The following KCTD18 variants were observed in gnomAD, a reference collection of about 807,000 sequenced individuals.
The protein encoded by KCTD18 is BTB/POZ domain-containing protein KCTD18.
A neutral mutation model predicts 30.4 loss-of-function variants in KCTD18; 22 were observed. That is an observed-to-expected ratio of 0.72 (90% CI 0.52 to 1.03). The LOEUF is 1.03. Among genes scored for constraint, KCTD18 ranks in the 50% least tolerant of loss-of-function variants. The pLI, the probability that KCTD18 is intolerant of heterozygous loss-of-function variation, is 0.00. For synonymous variants in KCTD18, 186 were observed against 209.0 expected, an observed-to-expected ratio of 0.89 and a Z score of 0.95; for missense variants, 529 against 547.6, an observed-to-expected ratio of 0.97 and a Z score of 0.34.
chr2:200,506,454 C>T (rs1201966051), intron 2 of KCTD18, among the ~76,000 whole-genome samples: 1 of 152,206 alleles, frequency 6.6e-6, no homozygotes, highest in Non-Finnish European at 1.5e-5. Context: ...TCTACAATGA[C>T]GATGGCTGCT....
At chr2:200,505,783 C>T (rs2106284942) in intron 2 of KCTD18, among the ~76,000 whole-genome samples, 1 of 151,526 alleles carries the variant, frequency 6.6e-6, no homozygotes, top group South Asian at 2.1e-4. Flanking sequence ...ACTACGAGAA[C>T]CCAAACTTTA....
intron 3 of KCTD18, among the ~76,000 whole-genome samples, chr2:200,504,287 G>A (rs1183759316): frequency 6.6e-6 from 1 of 151,930 alleles, no homozygotes; most frequent in Non-Finnish European, 1.5e-5. Flanking sequence ...TGAAACCCCC[G>A]TCTCTACTAA....
At chr2:200,508,092 G>GT (rs2030298378) in intron 1 of KCTD18, among the ~76,000 whole-genome samples, 2 of 152,086 alleles carry the variant, frequency 1.3e-5, no homozygotes, top group Non-Finnish European at 2.9e-5. Context: ...GTTTTGGGGG[G>GT]TTTTTGTTTG....
Position 200,507,807 on chromosome 2 carries a change from A to G in KCTD18, c.-75-716T>C, listed in dbSNP as rs183641897. Among the ~76,000 whole-genome samples, 257 of 152,328 alleles carry G rather than the reference A, an allele frequency of 1.7e-3. 1 individual carries two copies. The highest frequency in any genetic ancestry group is 5.7e-3 in the African/African-American group (238 of 41,570). ...TAGGTAACTAAGGAATATATAATTT[A>G]TCAACTGAGATTATAATTCTTCTTT... On this transcript the variant is annotated intron_variant, in intron 1 of 6. Coordinates refer to ENST00000359878, the MANE Select transcript of KCTD18 (RefSeq NM_152387.4).
At chr2:200,493,709 T>C (rs1187904475) in intron 5 of KCTD18, among the ~76,000 whole-genome samples, 1 of 152,228 alleles carries the variant, frequency 6.6e-6, no homozygotes, top group East Asian at 1.9e-4. Context: ...ACTGTGATGA[T>C]TAAATGAGTT....
At chr2:200,505,817 T>C (rs116105362) in intron 2 of KCTD18, among the ~76,000 whole-genome samples, 172 of 151,930 alleles carry the variant, frequency 1.1e-3, no homozygotes, top group Non-Finnish European at 1.9e-3. Context: ...ACTATGCTGG[T>C]ACTACTTTAT....
chr2:200,491,513 A>G (rs2087917633), intron 6 of KCTD18, among the ~76,000 whole-genome samples: 2 of 152,332 alleles, frequency 1.3e-5, no homozygotes. Flanking sequence ...CCTATACTAA[A>G]GATATCTGTA....
At chr2:200,503,238 G>T (rs910401270) in intron 3 of KCTD18, among the ~76,000 whole-genome samples, 8 of 152,160 alleles carry the variant, frequency 5.3e-5, no homozygotes, top group Non-Finnish European at 1.2e-4. Flanking sequence ...CAAACGAGAT[G>T]CCTAGTATTT....
chr2:200,492,928 G>A (rs1196288688), intron 6 of KCTD18, among the ~76,000 whole-genome samples: 1 of 151,630 alleles, frequency 6.6e-6, no homozygotes, highest in East Asian at 1.9e-4. Context: ...AGTAATTTTA[G>A]AATCACTCTC....
At chr2:200,493,539 G>A (rs1463086990) in intron 5 of KCTD18, among the ~76,000 whole-genome samples, 3 of 152,172 alleles carry the variant, frequency 2.0e-5, no homozygotes, top group East Asian at 1.9e-4. Flanking sequence ...GCATACTCAG[G>A]GCAGCTGAGA....
chr2:200,493,093 T>C lies in KCTD18; in HGVS notation c.764+79A>G, dbSNP rs1375888698. 1.0e-4 allele frequency: 82 copies of C among 794,716 alleles called. No homozygotes were observed. The Admixed American group carries it at 1.6e-3, about 15-fold the overall frequency. The allele number at this position is 794,716 out of a possible 1,614,324, so 49.2% of individuals were successfully genotyped here. A position where few individuals can be genotyped will look rare whatever the true frequency, so the allele number is the denominator to read the frequency against. ...AGCTTAGTAAGGTCAAGAATTATTA[T>C]TCATTTTCCCTTCACAAAGGCAGTA... On this transcript the variant is annotated intron_variant, in intron 6 of 6. Coordinates refer to ENST00000359878, the MANE Select transcript of KCTD18 (RefSeq NM_152387.4).
In KCTD18 at chr2:200,497,790, C is replaced by T. The variant is rs2088018669; in HGVS notation, c.624G>A (p.Lys208=). The change falls in exon 5 of 7, where the codon AAG becomes AAA. Residue 208 remains lysine, a synonymous_variant. Coordinates refer to ENST00000359878, the MANE Select transcript of KCTD18 (RefSeq NM_152387.4). ...IWSYYSVAEL[K]KMMDAFDAWE... is the part of the protein sequence containing the mutation. Reference sequence around the variant, plus strand: ...AAGCATCAAAGGCATCCATCATTTTCTTCAACTCTGCTACTGAATAATAGC... The same window carrying T: ...AAGCATCAAAGGCATCCATCATTTTTTTCAACTCTGCTACTGAATAATAGC... 6.2e-7 allele frequency: 1 copy of T among 1,612,560 alleles called. No homozygotes were observed.
At chr2:200,496,813 C>G (rs940948580) in intron 5 of KCTD18, 1 of 152,006 alleles carries the variant, frequency 6.6e-6, no homozygotes, top group African/African-American at 2.4e-5. Flanking sequence ...TTAAAAGCCT[C>G]TTCCTCTCCT....
At position 200,490,407 on chromosome 2, in the gene KCTD18, C is replaced by G. The variant is rs754204639; in HGVS notation, c.974G>C (p.Arg325Pro). The G allele has an allele frequency of 6.2e-7, 1 of 1,614,072 alleles. No individual in the cohort carries two copies. The highest frequency in any genetic ancestry group is 8.5e-7 in the Non-Finnish European group (1 of 1,179,968). Reference sequence around the variant, plus strand: ...GGCCGTGGCTCTGGAAGGTGCAGAGCGCTGAGCTGCCTTTCTGCGGCTACC... The same window carrying G: ...GGCCGTGGCTCTGGAAGGTGCAGAGGGCTGAGCTGCCTTTCTGCGGCTACC... ...QSGSRRKAAQ[R>P]SAPSRATALV... The change falls in exon 7 of 7, where the codon CGC becomes CCC. Residue 325 changes from arginine (R) to proline (P), a missense_variant. Physicochemically the swap from Arg to Pro is moderately radical, Grantham distance 103. Transcript: ENST00000359878.
Position 200,500,177 on chromosome 2 carries a change from C to A in KCTD18, c.373-1093G>T, listed in dbSNP as rs188458033. Among the ~76,000 whole-genome samples, 851 of 151,174 alleles carry A rather than the reference C, an allele frequency of 5.6e-3. 15 individuals carry two copies. Among genetic ancestry groups the A allele is most frequent in the Non-Finnish European group, 6.3e-3 (428 of 67,772 alleles). ...TGACAAACCCATAGCCAATATCATA[C>A]TGAATGGGCAAAAACTGGAAGCATT... On this transcript the variant is annotated intron_variant, in intron 3 of 6. Coordinates refer to ENST00000359878, the MANE Select transcript of KCTD18 (RefSeq NM_152387.4).
At chr2:200,508,763 C>T (rs1248079255) in intron 1 of KCTD18, among the ~76,000 whole-genome samples, 1 of 152,164 alleles carries the variant, frequency 6.6e-6, no homozygotes, top group Non-Finnish European at 1.5e-5. Context: ...TGTGACATCT[C>T]GCACTGCCTA....
intron 5 of KCTD18, 58 bp downstream of exon 5, chr2:200,497,695 T>C: frequency 8.8e-7 from 1 of 1,134,456 alleles, no homozygotes; most frequent in South Asian, 1.3e-5. Context: ...TTGAGCTTAC[T>C]TTGTCTTTTT....
intron 4 of KCTD18, among the ~76,000 whole-genome samples, chr2:200,498,424 T>C (rs1482788461): frequency 6.6e-6 from 1 of 152,186 alleles, no homozygotes; most frequent in Non-Finnish European, 1.5e-5. Flanking sequence ...GAATTTAACA[T>C]GTTCAAGTCA....
At position 200,497,425 on chromosome 2, in the gene KCTD18, C is replaced by T. The variant is rs544071113; in HGVS notation, c.661+328G>A. On this transcript the variant is annotated intron_variant, in intron 5 of 6. Coordinates refer to ENST00000359878, the MANE Select transcript of KCTD18 (RefSeq NM_152387.4). ...TCTTCTCCAACATTATTTTCTCTCC[C>T]TTTCCTTGATTACATATTTTATGCT... The T allele has an allele frequency of 3.2e-4, 59 of 183,652 alleles. No homozygotes were observed. The South Asian group carries it at 6.5e-3, about 20-fold the overall frequency. The allele number at this position is 183,652 out of a possible 1,614,324, so 11.4% of individuals were successfully genotyped here.
Sources: gnomAD v4.1 joint callset for allele counts (sites outside exome capture counted in the v4.1 genomes callset) on GRCh38, gnomAD v4.1.1 for gene constraint, MANE v1.5 for transcripts, NCBI Gene and HGNC (gene_info 2026-07-23, HGNC 2026-07-21) for gene names.